GDPD5: variants seen among roughly 807,000 people sequenced by gnomAD.
GDPD5 encodes glycerophosphodiester phosphodiesterase domain containing 5.
In GDPD5, 48 loss-of-function variants were observed where a neutral mutation model predicts 75.1. That is an observed-to-expected ratio of 0.64 (90% confidence interval 0.51 to 0.81). The LOEUF (loss-of-function observed/expected upper bound fraction) is 0.81, where lower values mean the gene tolerates loss of function less well. Ranked by LOEUF, GDPD5 falls within the 40% of genes least tolerant of loss-of-function variation. The pLI, the probability that GDPD5 is intolerant of heterozygous loss-of-function variation, is 0.00. For synonymous variants in GDPD5, 336 were observed against 339.0 expected (o/e 0.99, Z 0.10); for missense variants, 706 against 822.6 (o/e 0.86, Z 1.73).
Position 75,448,040 on chromosome 11 carries a change from C to T in GDPD5, c.714+937G>A, listed in dbSNP as rs545312692. ...CAGACTTCCAGAGTGAGTGGCAGCC[C>T]GGCAGACCCAGCACCTCCTTCCAAA... On this transcript the variant is annotated intron_variant, in intron 9 of 16. Transcript: ENST00000336898. Among the ~76,000 whole-genome samples, 278 of 152,250 alleles carry T rather than the reference C, an allele frequency of 1.8e-3. 1 individual carries two copies. Among genetic ancestry groups the T allele is most frequent in the African/African-American group, 6.5e-3 (272 of 41,540 alleles).
intron 3 of GDPD5, among the ~76,000 whole-genome samples, chr11:75,473,518 C>G (rs902087596): frequency 6.6e-6 from 1 of 152,104 alleles, no homozygotes; most frequent in African/African-American, 2.4e-5. Flanking sequence ...CCTCACTCCC[C>G]ACATAGACAC....
chr11:75,453,572 C>A (rs1790151), intron 6 of GDPD5, among the ~76,000 whole-genome samples: 1 of 149,546 alleles, frequency 6.7e-6, no homozygotes, highest in Non-Finnish European at 1.5e-5. Context: ...GAGCCAAGAT[C>A]GTGCCACTGC....
At position 75,439,920 on chromosome 11, in the gene GDPD5, C is replaced by T; in HGVS notation, c.1515G>A (p.Leu505=). The T allele has an allele frequency of 6.2e-7, 1 of 1,613,962 alleles. No homozygotes were observed. The highest frequency in any genetic ancestry group is 8.5e-7 in the Non-Finnish European group (1 of 1,179,938). ...EYCLMWVTAD[L]VSFTLIVGIF... Reference sequence around the variant, plus strand: ...TGCCCACGATGAGGGTGAAGGAGACCAGGTCGGCAGTGACCCACATGAGAC... The same window carrying T: ...TGCCCACGATGAGGGTGAAGGAGACTAGGTCGGCAGTGACCCACATGAGAC... Residue 505 remains leucine (L), a synonymous_variant, in exon 15 of 17, where the codon CTG becomes CTA. Coordinates refer to ENST00000336898, the MANE Select transcript of GDPD5 (RefSeq NM_030792.8).
intron 2 of GDPD5, 24 bp from the exon 3 acceptor site, chr11:75,477,819 T>A: frequency 1.1e-6 from 1 of 917,224 alleles, no homozygotes; most frequent in Non-Finnish European, 1.6e-6. Flanking sequence ...CACAGGGCAG[T>A]GAGGCAGGGG....
chr11:75,455,720 T>G lies in GDPD5; in HGVS notation c.375+1037A>C, dbSNP rs1363198994. Reference sequence around the variant, plus strand: ...TGGGGAAAGGGAGACGATCCAGATGTTCCTGGGAGGGAGGGGCTCTGCCTT... The same window carrying G: ...TGGGGAAAGGGAGACGATCCAGATGGTCCTGGGAGGGAGGGGCTCTGCCTT... On this transcript the variant is annotated intron_variant, in intron 6 of 16. Transcript: ENST00000336898. Among the ~76,000 whole-genome samples, 39 of 152,234 alleles carry G rather than the reference T, an allele frequency of 2.6e-4. 1 individual carries two copies. The highest frequency in any genetic ancestry group is 2.6e-3 in the Admixed American group (39 of 15,280).
intron 14 of GDPD5, among the ~76,000 whole-genome samples, chr11:75,440,218 G>C (rs554804528): frequency 1.1e-3 from 168 of 152,258 alleles, no homozygotes; most frequent in African/African-American, 3.8e-3. Context: ...TCAGGGCAGA[G>C]GGGTTGTGTG....
At chr11:75,457,417 C>A (rs78164875) in intron 5 of GDPD5, among the ~76,000 whole-genome samples, 2,432 of 152,330 alleles carry the variant, frequency 0.016, 58 homozygotes, top group African/African-American at 0.054. Flanking sequence ...TGGGCAAAAT[C>A]TGAATTAATG....
Position 75,447,301 on chromosome 11 carries a change from T to C in GDPD5, c.714+1676A>G, listed in dbSNP as rs546620635. ...CTGTAAAAAGATATTTTCGAGACAA[T>C]AAAAGGAAATTGAACATGGATTCCA... is the stretch of plus-strand genomic sequence containing the variant. On this transcript the variant is annotated intron_variant, in intron 9 of 16. Coordinates refer to ENST00000336898, the MANE Select transcript of GDPD5 (RefSeq NM_030792.8). Among the ~76,000 whole-genome samples the C allele has an allele frequency of 1.2e-3, 190 of 152,290 alleles. 3 individuals are homozygous for C. The highest frequency in any genetic ancestry group is 3.5e-4 in the Non-Finnish European group (24 of 68,026).
chr11:75,443,816 T>C (rs1381608281), intron 10 of GDPD5, among the ~76,000 whole-genome samples: 1 of 152,246 alleles, frequency 6.6e-6, no homozygotes, highest in African/African-American at 2.4e-5. Context: ...AAGGTACCTG[T>C]GCCCTCTGTT....
chr11:75,478,376 C>A (rs150970763), intron 2 of GDPD5, among the ~76,000 whole-genome samples: 3 of 152,174 alleles, frequency 2.0e-5, no homozygotes, highest in African/African-American at 7.2e-5. Context: ...GAACTCCTGA[C>A]ATCAGGTTAT....
Position 75,471,703 on chromosome 11 carries a change from G to A in GDPD5, c.117+5916C>T, listed in dbSNP as rs142969949. 3.0e-3 allele frequency among the ~76,000 whole-genome samples: 458 copies of A among 152,282 alleles called. 3 individuals carry two copies. Among genetic ancestry groups the A allele is most frequent in the African/African-American group, 0.011 (437 of 41,560 alleles). On this transcript the variant is annotated intron_variant, in intron 3 of 16. Transcript: ENST00000336898. ...CCCTTGCTCAAGGTGTTCATAGAGT[G>A]TCATCAACAAGACTTAGCCACTTCC... is the stretch of plus-strand genomic sequence containing the variant.
intron 1 of GDPD5, among the ~76,000 whole-genome samples, chr11:75,491,386 G>T (rs1333382073): frequency 6.6e-6 from 1 of 152,158 alleles, no homozygotes; most frequent in Non-Finnish European, 1.5e-5. Context: ...TAGACCAGTG[G>T]CTTCTCCTCT....
At chr11:75,451,401 A>C (rs2135233331) in intron 6 of GDPD5, 1 of 152,384 alleles carries the variant, frequency 6.6e-6, no homozygotes, top group South Asian at 2.1e-4. Flanking sequence ...TCCTCATCTC[A>C]CACACGGGAA....
At chr11:75,459,917 G>A (rs932278209) in intron 4 of GDPD5, among the ~76,000 whole-genome samples, 5 of 152,130 alleles carry the variant, frequency 3.3e-5, no homozygotes, top group South Asian at 4.1e-4. Context: ...AAATCTGAGC[G>A]CTGGGCAGCT....
At chr11:75,513,729 G>C (rs1308888104) in intron 1 of GDPD5, among the ~76,000 whole-genome samples, 1 of 152,206 alleles carries the variant, frequency 6.6e-6, no homozygotes, top group Non-Finnish European at 1.5e-5. Context: ...CCCAGGGAAA[G>C]GGACCCAGCA....
chr11:75,521,135 A>T (rs1941436108), intron 1 of GDPD5, among the ~76,000 whole-genome samples: 1 of 152,112 alleles, frequency 6.6e-6, no homozygotes, highest in Non-Finnish European at 1.5e-5. Context: ...CTCCCCATAG[A>T]CATGGACACA....
intron 11 of GDPD5, 196 bp downstream of exon 11, chr11:75,442,940 C>T (rs1237671669): frequency 1.5e-6 from 1 of 659,288 alleles, no homozygotes; most frequent in African/African-American, 1.8e-5. Context: ...GGGAAATGGA[C>T]CCAGAACAAG....
At chr11:75,481,176 G>C (rs1260102721) in intron 2 of GDPD5, among the ~76,000 whole-genome samples, 1 of 152,184 alleles carries the variant, frequency 6.6e-6, no homozygotes, top group Non-Finnish European at 1.5e-5. Context: ...CTGAGCCAAG[G>C]CTTGGTAGAT....
intron 6 of GDPD5, among the ~76,000 whole-genome samples, chr11:75,455,833 G>T (rs764546281): frequency 1.3e-5 from 2 of 152,216 alleles, no homozygotes; most frequent in African/African-American, 4.8e-5. Context: ...TGCAATGGAC[G>T]TAAGGCAGAG....
Sources: allele counts gnomAD v4.1 joint callset (sites outside exome capture counted in the v4.1 genomes callset), GRCh38; gene constraint gnomAD v4.1.1; transcripts MANE v1.5; gene names NCBI Gene and HGNC (gene_info 2026-07-23, HGNC 2026-07-21).